PRRC2B: variants seen among roughly 807,000 people sequenced by gnomAD.
PRRC2B encodes the protein proline rich coiled-coil 2B.
Under a neutral mutation model 242.3 loss-of-function variants are expected in PRRC2B, and 68 were observed. The observed-to-expected ratio is 0.28, with a 90% confidence interval of 0.23 to 0.34. PRRC2B has a LOEUF of 0.34. Among genes scored for constraint, PRRC2B ranks in the 10% least tolerant of loss-of-function variants. The probability of loss-of-function intolerance (pLI) is 1.00; values close to 1 mark genes in which losing one functional copy is unlikely to be tolerated. For missense variants in PRRC2B, 2,835 were observed against 2,954.8 expected, an observed-to-expected ratio of 0.96 and a Z score of 0.94; for synonymous variants, 1,228 against 1,173.6, an observed-to-expected ratio of 1.05 and a Z score of -0.95.
chr9:131,460,097 G>A lies in PRRC2B; in HGVS notation c.1404+741G>A, dbSNP rs114223756. ...TTGAACAGTAAGTTGACAACCTGAT[G>A]AGACTCTTTACACTGTGGTACTTGT... On this transcript the variant is annotated intron_variant, in intron 11 of 31. Coordinates refer to ENST00000683519, the MANE Select transcript of PRRC2B (RefSeq NM_013318.4). 2.9e-3 allele frequency among the ~76,000 whole-genome samples: 436 copies of A among 152,020 alleles called. 1 individual carries two copies. The highest frequency in any genetic ancestry group is 0.014 in the Middle Eastern group (4 of 292).
chr9:131,414,609 C>T (rs1401299267), intron 1 of PRRC2B, among the ~76,000 whole-genome samples: 3 of 146,898 alleles, frequency 2.0e-5, no homozygotes, highest in Non-Finnish European at 3.0e-5. Context: ...TCTGCTGTGT[C>T]GCCCAGACTG....
At chr9:131,383,039 A>G (rs1836781395) in intron 1 of PRRC2B, among the ~76,000 whole-genome samples, 1 of 152,022 alleles carries the variant, frequency 6.6e-6, no homozygotes, top group Non-Finnish European at 1.5e-5. Flanking sequence ...CGGTGCTCAG[A>G]CACTCCCATC....
At chr9:131,416,721 T>A (rs1016892832) in intron 1 of PRRC2B, among the ~76,000 whole-genome samples, 20 of 152,176 alleles carry the variant, frequency 1.3e-4, no homozygotes, top group African/African-American at 4.8e-4. Flanking sequence ...ATGACAGTTT[T>A]GAGGCATACC....
chr9:131,470,498 T>C (rs1253091296), intron 13 of PRRC2B, among the ~76,000 whole-genome samples: 1 of 151,960 alleles, frequency 6.6e-6, no homozygotes, highest in African/African-American at 2.4e-5. Flanking sequence ...GTTCCAGGAG[T>C]GTCTGATCTA....
At chr9:131,429,977 A>G in intron 1 of PRRC2B, 117 bp from the exon 2 acceptor site, 1 of 604,030 alleles carries the variant, frequency 1.7e-6, no homozygotes, top group Non-Finnish European at 2.9e-6. Context: ...TCAGATCTTC[A>G]AGGAGATCCA....
chr9:131,460,171 A>T (rs1460325139), intron 11 of PRRC2B, among the ~76,000 whole-genome samples: 1 of 152,164 alleles, frequency 6.6e-6, no homozygotes, highest in Non-Finnish European at 1.5e-5. Context: ...AGTTACTTCC[A>T]GGAAATTAGC....
intron 1 of PRRC2B, among the ~76,000 whole-genome samples, chr9:131,401,188 G>GT (rs1837218352): frequency 6.6e-6 from 1 of 152,034 alleles, no homozygotes; most frequent in Admixed American, 6.6e-5. Flanking sequence ...TTGTGGTGAA[G>GT]TATACATAAC....
chr9:131,483,031 C>G (rs150599916), intron 22 of PRRC2B, 124 bp downstream of exon 22: 8 of 1,158,168 alleles, frequency 6.9e-6, no homozygotes, highest in Admixed American at 2.2e-5. Flanking sequence ...AAGCAGTCTT[C>G]CAGCGGCTAG....
intron 29 of PRRC2B, 92 bp downstream of exon 29, chr9:131,491,672 G>T (rs1192635234): frequency 8.0e-7 from 1 of 1,252,216 alleles, no homozygotes; most frequent in African/African-American, 1.5e-5. Flanking sequence ...GTGGTAGAAA[G>T]AGCCAGTGGC....
rs1414040413 is a variant in PRRC2B at position 131,475,670 on chromosome 9, A to G, written c.3541A>G (p.Asn1181Asp). The change falls in exon 16 of 32, where the codon AAC (asparagine) becomes GAC (aspartate). Residue 1181 changes from asparagine (N) to aspartate (D), a missense_variant. Coordinates refer to ENST00000683519, the MANE Select transcript of PRRC2B (RefSeq NM_013318.4). ...CGACTGCAGAGATTCTTGGCGGTCC[A>G]ACAAGGGGTGCTCTGAGGACCACAG... ...KGDCRDSWRS[N>D]KGCSEDHSGL... 1.9e-6 allele frequency: 3 copies of G among 1,611,678 alleles called. No individual in the cohort carries two copies. The highest frequency in any genetic ancestry group is 4.5e-5 in the East Asian group (2 of 44,820).
chr9:131,439,255 T>C (rs1838477074), intron 5 of PRRC2B, among the ~76,000 whole-genome samples, 194 bp downstream of exon 5: 4 of 152,152 alleles, frequency 2.6e-5, no homozygotes, highest in African/African-American at 9.7e-5. Context: ...TTTGGTTTCT[T>C]TGGATGTGTG....
intron 28 of PRRC2B, among the ~76,000 whole-genome samples, chr9:131,489,099 G>A (rs1490017530): frequency 1.3e-5 from 2 of 151,662 alleles, no homozygotes; most frequent in African/African-American, 4.9e-5. Context: ...TGTGGCTCTC[G>A]CATAATCTCA....
chr9:131,463,821 C>T (rs947688956), intron 11 of PRRC2B, among the ~76,000 whole-genome samples: 8 of 151,718 alleles, frequency 5.3e-5, no homozygotes, highest in African/African-American at 1.2e-4. Context: ...GGGGTAAATA[C>T]GGGGTCTCAC....
intron 1 of PRRC2B, among the ~76,000 whole-genome samples, chr9:131,404,154 T>C (rs944829497): frequency 2.6e-5 from 4 of 151,840 alleles, no homozygotes; most frequent in East Asian, 1.9e-4. Context: ...CTAAAAAATA[T>C]ACAGGTGTGT....
At chr9:131,406,422 TTGGAAGGA>T (rs774484446) in intron 1 of PRRC2B, among the ~76,000 whole-genome samples, 9 of 152,122 alleles carry the variant, frequency 5.9e-5, no homozygotes, top group Non-Finnish European at 1.3e-4. Context: ...GGTAAATGTC[TTGGAAGGA>T]ATGAAGGTAG....
chr9:131,497,035 C>A lies in PRRC2B; in HGVS notation c.*1161C>A, dbSNP rs968176129. On this transcript the variant is annotated 3_prime_UTR_variant, in exon 32 of 32. Transcript: ENST00000683519. ...CCTCCCACACAGCTCATCGTGAACA[C>A]CACTTGGTGATGGAGGGAGTGGACC... The A allele has an allele frequency of 6.6e-6, 1 of 152,348 alleles. No individual in the cohort carries two copies. The highest frequency in any genetic ancestry group is 2.4e-5 in the African/African-American group (1 of 41,476). The allele number at this position is 152,348 out of a possible 1,614,324, so 9.4% of individuals were successfully genotyped here.
Position 131,459,348 on chromosome 9 carries a change from G to A in PRRC2B, c.1396G>A (p.Asp466Asn), listed in dbSNP as rs1334367245. 1 of 1,612,780 alleles carries A rather than the reference G, an allele frequency of 6.2e-7. No homozygotes were observed. The highest frequency in any genetic ancestry group is 1.1e-5 in the South Asian group (1 of 90,966). Residue 466 changes from aspartate to asparagine, a missense_variant, in exon 11 of 32, where the codon GAC becomes AAC. By Grantham distance (23) the Asp-to-Asn change is conservative. Around this residue, in one of 7 missense-constraint regions of PRRC2B, gnomAD observed 626 missense variants for 685.5 expected, o/e 0.91. Transcript: ENST00000683519. ...GCTTCATGGCTGGGCACCAGGCCCT[G>A]ACTACCAGGTACCAAGGGCCCTTGG... ...RKLHGWAPGP[D>N]YQKSSMGSMF...
intron 3 of PRRC2B, among the ~76,000 whole-genome samples, chr9:131,433,413 G>A (rs1302382065): frequency 6.6e-6 from 1 of 152,204 alleles, no homozygotes; most frequent in African/African-American, 2.4e-5. Context: ...GGGTGGCATG[G>A]TGCTGTCAAT....
At chr9:131,436,559 G>T in intron 3 of PRRC2B, 61 bp from the exon 4 acceptor site, 3 of 1,348,916 alleles carry the variant, frequency 2.2e-6, no homozygotes, top group Non-Finnish European at 2.1e-6. Flanking sequence ...TCCTGAGAAC[G>T]CAGAGACCTG....
Sources: gnomAD v4.1 joint callset for allele counts (sites outside exome capture counted in the v4.1 genomes callset) on GRCh38, gnomAD v4.1.1 for gene constraint, gnomAD v4.1.1 regional missense constraint, MANE v1.5 for transcripts, NCBI Gene and HGNC (gene_info 2026-07-23, HGNC 2026-07-21) for gene names.